KCNJ3: variants seen among roughly 807,000 people sequenced by gnomAD.
KCNJ3 encodes the protein G protein-activated inward rectifier potassium channel 1.
Under a neutral mutation model 39.2 loss-of-function variants are expected in KCNJ3, and 4 were observed. That is an observed-to-expected ratio of 0.10 (90% confidence interval 0.05 to 0.23). KCNJ3 has a LOEUF of 0.23. Ranked by LOEUF, KCNJ3 falls within the 10% of genes least tolerant of loss-of-function variation. The pLI, the probability that KCNJ3 is intolerant of heterozygous loss-of-function variation, is 1.00. For missense variants in KCNJ3, 276 were observed against 634.9 expected (o/e 0.43, Z 6.08); for synonymous variants, 230 against 237.4 (o/e 0.97, Z 0.29).
chr2:154,732,460 T>C (rs1685462316), intron 2 of KCNJ3, among the ~76,000 whole-genome samples: 1 of 152,106 alleles, frequency 6.6e-6, no homozygotes, highest in African/African-American at 2.4e-5. Flanking sequence ...AACAAAAACA[T>C]CTTACAGGCT....
intron 2 of KCNJ3, among the ~76,000 whole-genome samples, chr2:154,738,854 G>A (rs1256446497): frequency 1.3e-5 from 2 of 151,826 alleles, no homozygotes; most frequent in South Asian, 2.1e-4. Flanking sequence ...ATCACCAAAA[G>A]CTCCACATCG....
intron 2 of KCNJ3, among the ~76,000 whole-genome samples, chr2:154,811,888 C>T (rs1324191439): frequency 6.6e-6 from 1 of 152,178 alleles, no homozygotes; most frequent in African/African-American, 2.4e-5. Context: ...GGTCTGCTCC[C>T]TGTTCTTTCA....
chr2:154,774,990 C>T (rs1686307859), intron 2 of KCNJ3, among the ~76,000 whole-genome samples: 1 of 152,184 alleles, frequency 6.6e-6, no homozygotes. Flanking sequence ...TCATGGCTCA[C>T]TGCAGTCTCT....
chr2:154,738,520 C>G, intron 2 of KCNJ3, among the ~76,000 whole-genome samples: 1 of 152,062 alleles, frequency 6.6e-6, no homozygotes, highest in African/African-American at 2.4e-5. Flanking sequence ...CAAAACATCT[C>G]ATGTACCCCA....
chr2:154,775,091 A>T (rs1296830704), intron 2 of KCNJ3, among the ~76,000 whole-genome samples: 1 of 151,992 alleles, frequency 6.6e-6, no homozygotes, highest in East Asian at 1.9e-4. Flanking sequence ...TAATTTTTGT[A>T]CTTTTTGTAG....
At chr2:154,766,214 G>T (rs947450695) in intron 2 of KCNJ3, among the ~76,000 whole-genome samples, 1 of 152,182 alleles carries the variant, frequency 6.6e-6, no homozygotes. Context: ...AAGTGAGAAA[G>T]TTCAGAATCT....
intron 1 of KCNJ3, among the ~76,000 whole-genome samples, chr2:154,703,013 C>G (rs1684932856): frequency 6.6e-6 from 1 of 151,884 alleles, no homozygotes; most frequent in African/African-American, 2.4e-5. Context: ...TAATGTTGAA[C>G]CCTATAGTTT....
chr2:154,715,092 G>T (rs1027837980), intron 2 of KCNJ3, among the ~76,000 whole-genome samples: 2 of 152,106 alleles, frequency 1.3e-5, no homozygotes, highest in Non-Finnish European at 2.9e-5. Flanking sequence ...TGCTCCAAGG[G>T]GGCAGGGTAC....
intron 2 of KCNJ3, among the ~76,000 whole-genome samples, chr2:154,769,836 A>T (rs1686206228): frequency 6.6e-6 from 1 of 152,120 alleles, no homozygotes; most frequent in African/African-American, 2.4e-5. Flanking sequence ...TTCTGTGGTT[A>T]TATGACAATG....
intron 2 of KCNJ3, among the ~76,000 whole-genome samples, chr2:154,764,156 A>G (rs2105190991): frequency 6.6e-6 from 1 of 152,370 alleles, no homozygotes. Flanking sequence ...TGCTAGCAGT[A>G]TCTCCATTAT....
chr2:154,827,718 G>C (rs75034761), intron 2 of KCNJ3, among the ~76,000 whole-genome samples: 1 of 142,196 alleles, frequency 7.0e-6, no homozygotes, highest in African/African-American at 2.5e-5. Context: ...ATTATTTTTT[G>C]GCATGTGCAT....
chr2:154,777,425 T>C (rs1490981927), intron 2 of KCNJ3, among the ~76,000 whole-genome samples: 1 of 152,214 alleles, frequency 6.6e-6, no homozygotes, highest in African/African-American at 2.4e-5. Context: ...CAAAAATTAC[T>C]GACCCAGAGC....
At chr2:154,765,440 G>A (rs1416081618) in intron 2 of KCNJ3, among the ~76,000 whole-genome samples, 2 of 152,058 alleles carry the variant, frequency 1.3e-5, no homozygotes, top group Non-Finnish European at 2.9e-5. Context: ...AGAATGTAAA[G>A]CCCAAAAAGA....
At chr2:154,774,964 G>T (rs1014259844) in intron 2 of KCNJ3, among the ~76,000 whole-genome samples, 5 of 152,170 alleles carry the variant, frequency 3.3e-5, no homozygotes, top group Admixed American at 2.0e-4. Flanking sequence ...GCCCAGGCTA[G>T]AGTGCAGTGG....
At chr2:154,752,986 T>A (rs1441381332) in intron 2 of KCNJ3, among the ~76,000 whole-genome samples, 1 of 152,094 alleles carries the variant, frequency 6.6e-6, no homozygotes, top group Non-Finnish European at 1.5e-5. Flanking sequence ...ATTATATTGA[T>A]CAATCTTTAG....
At chr2:154,835,421 T>TATATGAATATATAGTATTCATGA (rs1687439535) in intron 2 of KCNJ3, among the ~76,000 whole-genome samples, 1 of 137,474 alleles carries the variant, frequency 7.3e-6, no homozygotes, top group Admixed American at 7.6e-5. Context: ...TTGCAGATTA[T>TATATGAATATATAGTATTCATGA]ATATGAATAT....
At chr2:154,798,570 TGGGATATATC>T (rs1686759581) in intron 2 of KCNJ3, among the ~76,000 whole-genome samples, 1 of 152,182 alleles carries the variant, frequency 6.6e-6, no homozygotes, top group Admixed American at 6.5e-5. Flanking sequence ...TTTTGGGTCC[TGGGATATATC>T]GGGATATATC....
chr2:154,799,048 A>ATGG (rs1297986239), intron 2 of KCNJ3, among the ~76,000 whole-genome samples: 1 of 152,008 alleles, frequency 6.6e-6, no homozygotes, highest in Non-Finnish European at 1.5e-5. Context: ...AGTACATTAG[A>ATGG]TGGTAGATCT....
At chr2:154,726,137 T>G (rs955804184) in intron 2 of KCNJ3, among the ~76,000 whole-genome samples, 1 of 152,206 alleles carries the variant, frequency 6.6e-6, no homozygotes, top group Middle Eastern at 3.4e-3. Flanking sequence ...AAAAACTTCT[T>G]CTGCACAGCA....
Sources: allele counts gnomAD v4.1 joint callset (sites outside exome capture counted in the v4.1 genomes callset), GRCh38; gene constraint gnomAD v4.1.1; transcripts MANE v1.5; gene names NCBI Gene and HGNC (gene_info 2026-07-23, HGNC 2026-07-21).